The following ACOT7 variants were observed in gnomAD, a reference collection of about 807,000 sequenced individuals.
ACOT7 encodes the protein acyl-CoA thioesterase 7.
Under a neutral mutation model 40.2 loss-of-function variants are expected in ACOT7, and 12 were observed. The observed-to-expected ratio is 0.30, with a 90% confidence interval of 0.19 to 0.48. The LOEUF (loss-of-function observed/expected upper bound fraction) is 0.48, where lower values mean the gene tolerates loss of function less well. Among genes scored for constraint, ACOT7 ranks in the 20% least tolerant of loss-of-function variants. The pLI is 0.99. For missense variants in ACOT7, 395 were observed against 530.8 expected (o/e 0.74, Z 2.51); for synonymous variants, 228 against 219.5 (o/e 1.04, Z -0.34).
At chr1:6,272,381 TTCCAGGGGGC>T (rs1292847006) in intron 8 of ACOT7, among the ~76,000 whole-genome samples, 1 of 152,098 alleles carries the variant, frequency 6.6e-6, no homozygotes, top group African/African-American at 2.4e-5. Flanking sequence ...CCCCAATCAA[TTCCAGGGGGC>T]TCAGACCATG....
At chr1:6,297,765 C>A (rs1428044407) in intron 6 of ACOT7, among the ~76,000 whole-genome samples, 1 of 152,198 alleles carries the variant, frequency 6.6e-6, no homozygotes, top group African/African-American at 2.4e-5. Flanking sequence ...CTTTTAGATA[C>A]AATATCTGGG....
intron 8 of ACOT7, among the ~76,000 whole-genome samples, chr1:6,265,271 C>T (rs1638792423): frequency 6.6e-6 from 1 of 151,752 alleles, no homozygotes; most frequent in South Asian, 2.1e-4. Flanking sequence ...TGGGGAAAGC[C>T]AGCTGCACAC....
Position 6,336,305 on chromosome 1 carries a change from G to A in ACOT7, c.419-2737C>T, listed in dbSNP as rs575702365. ...GCCGAGATTGCGCCACTGCACTCTA[G>A]CCTGCACGACAGAGCAAGACTCGGT... is the stretch of plus-strand genomic sequence containing the variant. On this transcript the variant is annotated intron_variant, in intron 3 of 8. Transcript: ENST00000361521. 8.3e-3 allele frequency among the ~76,000 whole-genome samples: 1,047 copies of A among 126,670 alleles called. 21 individuals are homozygous for A. Among genetic ancestry groups the A allele is most frequent in the African/African-American group, 0.029 (941 of 32,038 alleles). 83.1% of individuals were successfully genotyped at this position (126,670 alleles called of 152,430 possible).
At chr1:6,336,868 G>A (rs1480583261) in intron 3 of ACOT7, among the ~76,000 whole-genome samples, 1 of 152,186 alleles carries the variant, frequency 6.6e-6, no homozygotes, top group Non-Finnish European at 1.5e-5. Context: ...AAGCACAGAC[G>A]AGGAGATGAG....
At chr1:6,333,269 C>T (rs748795215) in intron 4 of ACOT7, among the ~76,000 whole-genome samples, 11 of 152,246 alleles carry the variant, frequency 7.2e-5, no homozygotes, top group Non-Finnish European at 1.5e-4. Flanking sequence ...CGTGTTTCCT[C>T]GGAGGCAGGA....
rs1030670727 is a variant in ACOT7 at position 6,299,110 on chromosome 1, C to T, written c.713-4130G>A. Among the ~76,000 whole-genome samples the T allele has an allele frequency of 6.6e-5, 10 of 152,218 alleles. No individual in the cohort carries two copies. The highest frequency in any genetic ancestry group is 2.4e-4 in the African/African-American group (10 of 41,460). On this transcript the variant is annotated intron_variant, in intron 6 of 8. Transcript: ENST00000361521. This position sits in a 1 kb window ranked among gnomAD's most constrained non-coding sequence, Gnocchi z 4.1. ...GCTGGGAGTGAGTCCCCATCACCTC[C>T]GCCACTGCCGGCTGGGTGACCTTGG...
intron 1 of ACOT7, among the ~76,000 whole-genome samples, chr1:6,387,495 A>T: frequency 6.6e-6 from 1 of 152,144 alleles, no homozygotes; most frequent in East Asian, 1.9e-4. Flanking sequence ...TTTGTAACAG[A>T]CTTCCCCAGT....
rs1348030071 is a variant in ACOT7, at chr1:6,358,287, A to G, written c.144-8421T>C. Reference sequence around the variant, plus strand: ...GTGGGAGGAAGGGCTGTGCCAAGGAAAGTTCCAGCAGCACTTGCAGGCCCC... The same window carrying G: ...GTGGGAGGAAGGGCTGTGCCAAGGAGAGTTCCAGCAGCACTTGCAGGCCCC... On this transcript the variant is annotated intron_variant, in intron 1 of 8. Coordinates refer to ENST00000361521, the MANE Select transcript of ACOT7 (RefSeq NM_007274.4). This position sits in a 1 kb window ranked among gnomAD's most constrained non-coding sequence, Gnocchi z 4.1. Among the ~76,000 whole-genome samples, 1 of 152,052 alleles carries G rather than the reference A, an allele frequency of 6.6e-6. No homozygotes were observed. The highest frequency in any genetic ancestry group is 1.5e-5 in the Non-Finnish European group (1 of 68,000).
intron 7 of ACOT7, among the ~76,000 whole-genome samples, chr1:6,292,234 T>C (rs548865373): frequency 3.9e-5 from 6 of 152,352 alleles, no homozygotes; most frequent in Admixed American, 2.0e-4. Flanking sequence ...CTGTTTCTGG[T>C]AAGGGGCCCA....
At chr1:6,324,527 T>C (rs1472467305) in intron 5 of ACOT7, among the ~76,000 whole-genome samples, 2 of 152,156 alleles carry the variant, frequency 1.3e-5, no homozygotes, top group Non-Finnish European at 2.9e-5. Flanking sequence ...GTAATTTTAG[T>C]GTCCCTGAGG....
chr1:6,391,699 G>C (rs1156771184), intron 1 of ACOT7, among the ~76,000 whole-genome samples: 1 of 152,176 alleles, frequency 6.6e-6, no homozygotes, highest in African/African-American at 2.4e-5. Flanking sequence ...GGCAGGGGCT[G>C]TCCCTGGATC....
In ACOT7 at chr1:6,294,034, C is replaced by T. The variant is rs1050585170; in HGVS notation, c.829+830G>A. 7.2e-5 allele frequency among the ~76,000 whole-genome samples: 11 copies of T among 152,220 alleles called. No homozygotes were observed. The highest frequency in any genetic ancestry group is 1.6e-4 in the Non-Finnish European group (11 of 68,034). ...GCACTTCTTCCACTCTCGCTTCCCA[C>T]GACAAGGGGCTGGTCTCAGCCAACA... On this transcript the variant is annotated intron_variant, in intron 7 of 8. Coordinates refer to ENST00000361521, the MANE Select transcript of ACOT7 (RefSeq NM_007274.4). The surrounding 1 kb of genome is among the most constrained non-coding windows in gnomAD (Gnocchi z 4.6).
intron 2 of ACOT7, among the ~76,000 whole-genome samples, chr1:6,339,888 C>T (rs779822575): frequency 1.3e-5 from 2 of 150,244 alleles, no homozygotes; most frequent in African/African-American, 5.0e-5. Flanking sequence ...TACAGGCGCC[C>T]GCTGGGACTA....
chr1:6,296,427 AT>A (rs5772228), intron 6 of ACOT7, among the ~76,000 whole-genome samples: 142 of 144,768 alleles, frequency 9.8e-4, no homozygotes, highest in Non-Finnish European at 1.2e-3. Context: ...TCAATTTTTA[AT>A]TTTTTTTTTT....
intron 1 of ACOT7, among the ~76,000 whole-genome samples, chr1:6,351,790 A>G (rs1641598228): frequency 6.6e-6 from 1 of 152,258 alleles, no homozygotes; most frequent in Non-Finnish European, 1.5e-5. Context: ...GAATGACACA[A>G]GGCCAGGGAG....
At chr1:6,287,049 G>A (rs1021888692) in intron 7 of ACOT7, among the ~76,000 whole-genome samples, 3 of 152,244 alleles carry the variant, frequency 2.0e-5, no homozygotes, top group African/African-American at 7.2e-5. Flanking sequence ...GCCTCCCAAA[G>A]TGCTGGGATA....
At chr1:6,271,460 G>C (rs1364177783) in intron 8 of ACOT7, among the ~76,000 whole-genome samples, 1 of 152,170 alleles carries the variant, frequency 6.6e-6, no homozygotes, top group Non-Finnish European at 1.5e-5. Context: ...TCTCATTATT[G>C]AGGACACTCA....
At chr1:6,332,072 C>A (rs545343365) in intron 4 of ACOT7, among the ~76,000 whole-genome samples, 2 of 152,218 alleles carry the variant, frequency 1.3e-5, no homozygotes, top group East Asian at 1.9e-4. Context: ...CCAAGGCTGC[C>A]GGCAGCGGCA....
chr1:6,349,678 G>C, intron 2 of ACOT7, 71 bp downstream of exon 2: 2 of 1,454,480 alleles, frequency 1.4e-6, no homozygotes, highest in Non-Finnish European at 1.9e-6. Flanking sequence ...CTGGCTCCCC[G>C]GGGAACTCCT....
Sources: allele counts gnomAD v4.1 joint callset (sites outside exome capture counted in the v4.1 genomes callset), GRCh38; gene constraint gnomAD v4.1.1; non-coding constraint Gnocchi (gnomAD v3.1); transcripts MANE v1.5; gene names NCBI Gene and HGNC (gene_info 2026-07-23, HGNC 2026-07-21).